The following ABCC9 variants were observed in gnomAD, a reference collection of about 807,000 sequenced individuals.
ABCC9 encodes the protein ATP binding cassette subfamily C member 9, also known as ATP-binding cassette sub-family C member 9.
ABCC9 carries 95 observed loss-of-function variants against 188.3 expected under a neutral mutation model. The observed-to-expected ratio is 0.50, with a 90% confidence interval of 0.43 to 0.60. The LOEUF (loss-of-function observed/expected upper bound fraction) is 0.60. ABCC9 is among the 20% of genes least tolerant of loss of function. The pLI, the probability that ABCC9 is intolerant of heterozygous loss-of-function variation, is 0.00. For synonymous variants in ABCC9, 659 were observed against 652.7 expected, an observed-to-expected ratio of 1.01 and a Z score of -0.15; for missense variants, 1,102 against 1,876.3, an observed-to-expected ratio of 0.59 and a Z score of 7.62.
intron 30 of ABCC9, among the ~76,000 whole-genome samples, chr12:21,836,160 C>G (rs980897384): frequency 4.6e-5 from 7 of 152,168 alleles, no homozygotes; most frequent in African/African-American, 1.4e-4. Flanking sequence ...CCTGGAGTCT[C>G]CTTGTCTCGG....
chr12:21,925,677 TC>T (rs1489285454), intron 5 of ABCC9: 9 of 627,230 alleles, frequency 1.4e-5, no homozygotes, highest in Non-Finnish European at 2.3e-5. Context: ...TCCACTTTCT[TC>T]CCCCACCCCC....
intron 22 of ABCC9, among the ~76,000 whole-genome samples, 156 bp downstream of exon 22, chr12:21,859,430 C>T (rs1035883925): frequency 2.6e-5 from 4 of 152,172 alleles, no homozygotes; most frequent in Admixed American, 6.6e-5. Context: ...TACTGATCTA[C>T]TAATCTGTAC....
At position 21,809,835 on chromosome 12, in the gene ABCC9, C is replaced by G. The variant is rs1200921492; in HGVS notation, c.4315+17G>C. 3 of 1,448,984 alleles carry G rather than the reference C, an allele frequency of 2.1e-6. No homozygotes were observed. Among genetic ancestry groups the G allele is most frequent in the Admixed American group, 3.4e-5 (2 of 59,590 alleles). 89.8% of individuals were successfully genotyped at this position (1,448,984 alleles called of 1,614,324 possible). ...ATGGCATATATAAAAAATAAATATGCTATTTAGGAAATATACCTAGACCTC... is the reference window on the plus strand; with the variant it reads ...ATGGCATATATAAAAAATAAATATGGTATTTAGGAAATATACCTAGACCTC... On this transcript the variant is annotated intron_variant, in intron 37 of 39. Coordinates refer to ENST00000261200, the MANE Select transcript of ABCC9 (RefSeq NM_020297.4).
At chr12:21,876,276 A>C (rs967983264) in intron 16 of ABCC9, among the ~76,000 whole-genome samples, 17 of 152,228 alleles carry the variant, frequency 1.1e-4, no homozygotes, top group Admixed American at 1.1e-3. Context: ...ACATATGGAC[A>C]TTCTTAAAAG....
intron 2 of ABCC9, among the ~76,000 whole-genome samples, chr12:21,938,711 T>C (rs953377215): frequency 1.2e-4 from 18 of 152,214 alleles, no homozygotes; most frequent in African/African-American, 4.1e-4. Context: ...ACTAGTATCA[T>C]TGAGGTAGAT....
At chr12:21,843,424 A>G (rs1192893321) in intron 28 of ABCC9, among the ~76,000 whole-genome samples, 1 of 152,170 alleles carries the variant, frequency 6.6e-6, no homozygotes, top group African/African-American at 2.4e-5. Flanking sequence ...TATTTAAAAA[A>G]TATCTAATAG....
At chr12:21,929,249 C>G (rs1040849123) in intron 4 of ABCC9, among the ~76,000 whole-genome samples, 3 of 151,688 alleles carry the variant, frequency 2.0e-5, no homozygotes, top group African/African-American at 7.3e-5. Context: ...AAGTATTTGA[C>G]TATAATAAAA....
chr12:21,920,001 T>A (rs1673585831), intron 5 of ABCC9, among the ~76,000 whole-genome samples: 1 of 152,006 alleles, frequency 6.6e-6, no homozygotes, highest in South Asian at 2.1e-4. Flanking sequence ...ATTTTCCTAA[T>A]GGATACAGGA....
chr12:21,800,169 A>G lies in ABCC9; in HGVS notation c.*875T>C, dbSNP rs1565673544. On this transcript the variant is annotated 3_prime_UTR_variant, in exon 40 of 40. Transcript: ENST00000261200. ...CACCTGAGAGGAATGTTCACCTGCC[A>G]TTATTAGCAGTGCCAAATGAAGTCA... 1 of 152,206 alleles carries G rather than the reference A, an allele frequency of 6.6e-6. No individual in the cohort carries two copies. The highest frequency in any genetic ancestry group is 1.9e-4 in the East Asian group (1 of 5,192). 9.4% of individuals were successfully genotyped at this position (152,206 alleles called of 1,614,324 possible).
intron 4 of ABCC9, among the ~76,000 whole-genome samples, chr12:21,927,641 A>G (rs1301591459): frequency 1.3e-5 from 2 of 152,200 alleles, no homozygotes; most frequent in Non-Finnish European, 1.5e-5. Context: ...CAGATTGGAA[A>G]GAGGAGCTAA....
rs71053356 is a variant in ABCC9, at chr12:21,915,514, A to ATT, written c.816+152_816+153dup. ...TGTGTGTGTGTGTATATATATATAT[A>ATT]TTTTTTTTTTTTTTTTGAGACAGAG... is the stretch of plus-strand genomic sequence containing the variant. On this transcript the variant is annotated intron_variant, in intron 7 of 39. Transcript: ENST00000261200. 2.3e-3 allele frequency among the ~76,000 whole-genome samples: 8 copies of ATT among 3,522 alleles called. 2 individuals are homozygous for ATT. The highest frequency in any genetic ancestry group is 8.7e-3 in the African/African-American group (8 of 924). 2.3% of individuals were successfully genotyped at this position (3,522 alleles called of 152,430 possible). A position where few individuals can be genotyped will look rare whatever the true frequency, so the allele number is the denominator to read the frequency against.
chr12:21,877,030 G>A (rs759449111), intron 16 of ABCC9, among the ~76,000 whole-genome samples: 8 of 152,210 alleles, frequency 5.3e-5, no homozygotes, highest in Non-Finnish European at 8.8e-5. Context: ...TGGAAGGAGG[G>A]TCGCATGGAA....
intron 36 of ABCC9, among the ~76,000 whole-genome samples, chr12:21,810,402 G>A (rs552373560): frequency 6.6e-6 from 1 of 152,250 alleles, no homozygotes; most frequent in Admixed American, 6.5e-5. Flanking sequence ...CTGCTATAAG[G>A]ACATACCCGA....
At chr12:21,807,288 A>C in intron 38 of ABCC9, 58 bp downstream of exon 38, 1 of 1,610,830 alleles carries the variant, frequency 6.2e-7, no homozygotes, top group Non-Finnish European at 8.5e-7. Flanking sequence ...AATAAATTGT[A>C]ATTTTCATGC....
Position 21,917,102 on chromosome 12 carries a change from G to A in ABCC9, c.408C>T (p.Ala136=). Reference sequence around the variant, plus strand: ...AGGCCATTACCCAATACAGGAACAGGGCTGAAAAGAAAAAGACAAAAAGAG... The same window carrying A: ...AGGCCATTACCCAATACAGGAACAGAGCTGAAAAGAAAAAGACAAAAAGAG... ...ETSNFPKLLL[A]LFLYWVMAFI... is the part of the protein sequence containing the mutation. The change falls in exon 6 of 40, where the codon GCC becomes GCT. Residue 136 remains alanine, a splice_region_variant and synonymous_variant. Coordinates refer to ENST00000261200, the MANE Select transcript of ABCC9 (RefSeq NM_020297.4). The A allele has an allele frequency of 6.2e-7, 1 of 1,613,202 alleles. No homozygotes were observed. Among genetic ancestry groups the A allele is most frequent in the Non-Finnish European group, 8.5e-7 (1 of 1,179,480 alleles).
chr12:21,931,674 C>T (rs963300186), intron 4 of ABCC9, among the ~76,000 whole-genome samples: 1 of 151,926 alleles, frequency 6.6e-6, no homozygotes, highest in Non-Finnish European at 1.5e-5. Flanking sequence ...TGTCAAGTTT[C>T]AAAAAAATAT....
Position 21,852,163 on chromosome 12 carries a change from G to T in ABCC9, c.2703C>A (p.Thr901=), listed in dbSNP as rs1000035870. The change falls in exon 24 of 40, where the codon ACC becomes ACA. Residue 901 remains threonine, a synonymous_variant. Transcript: ENST00000261200. ...LREGTLKDIQ[T]KDVELYEHWK... ...AGTGTTCATAAAGCTCAACATCTTT[G>T]GTTTGAATGTCCTTCAAAGTTCCTT... 6 of 1,613,652 alleles carry T rather than the reference G, an allele frequency of 3.7e-6. No homozygotes were observed. Among genetic ancestry groups the T allele is most frequent in the Non-Finnish European group, 5.1e-6 (6 of 1,179,850 alleles).
chr12:21,813,665 C>T (rs568521456), intron 35 of ABCC9, among the ~76,000 whole-genome samples: 2 of 152,068 alleles, frequency 1.3e-5, no homozygotes, highest in Non-Finnish European at 2.9e-5. Context: ...CACTGAAAGT[C>T]CTTAAAGTAT....
intron 4 of ABCC9, among the ~76,000 whole-genome samples, chr12:21,928,578 G>T (rs1425811685): frequency 6.6e-6 from 1 of 152,000 alleles, no homozygotes; most frequent in African/African-American, 2.4e-5. Context: ...ATACTCACAA[G>T]AAAGTTTATA....
Sources: allele counts gnomAD v4.1 joint callset (sites outside exome capture counted in the v4.1 genomes callset), GRCh38; gene constraint gnomAD v4.1.1; transcripts MANE v1.5; gene names NCBI Gene and HGNC (gene_info 2026-07-23, HGNC 2026-07-21).